CDC14A: variants seen among roughly 807,000 people sequenced by gnomAD.
CDC14A encodes cell division cycle 14A.
CDC14A carries 53 observed loss-of-function variants against 74.4 expected under a neutral mutation model. The observed-to-expected ratio is 0.71, with a 90% CI of 0.57 to 0.89. The LOEUF is 0.89. CDC14A is among the 40% of genes least tolerant of loss of function. The pLI, the probability that CDC14A is intolerant of heterozygous loss-of-function variation, is 0.00. For missense variants in CDC14A, 646 were observed against 713.7 expected (o/e 0.91, Z 1.08); for synonymous variants, 247 against 258.4 (o/e 0.96, Z 0.43).
At position 100,455,508 on chromosome 1, in the gene CDC14A, C is replaced by T. The variant is rs1381928920; in HGVS notation, c.607+16C>T. On this transcript the variant is annotated intron_variant, in intron 8 of 15. Transcript: ENST00000336454. ...ATTGAGAATGGTAGGTTTTTTTTTC[C>T]TTTACCATCCAAACATTTATTTTGA... is the stretch of plus-strand genomic sequence containing the variant. 8.8e-6 allele frequency: 12 copies of T among 1,359,762 alleles called. No individual in the cohort carries two copies. The highest frequency in any genetic ancestry group is 1.2e-5 in the Non-Finnish European group (12 of 972,546). 84.2% of individuals were successfully genotyped at this position (1,359,762 alleles called of 1,614,324 possible). A position where few individuals can be genotyped will look rare whatever the true frequency, so the allele number is the denominator to read the frequency against.
intron 2 of CDC14A, among the ~76,000 whole-genome samples, chr1:100,374,498 C>T (rs542391462): frequency 2.3e-3 from 354 of 152,316 alleles, no homozygotes; most frequent in African/African-American, 8.1e-3. Flanking sequence ...GATCGCCATT[C>T]TAACTGGTGT....
At chr1:100,360,352 T>TG (rs1420991417) in intron 2 of CDC14A, among the ~76,000 whole-genome samples, 4 of 151,364 alleles carry the variant, frequency 2.6e-5, no homozygotes, top group Non-Finnish European at 5.9e-5. Context: ...TTAGTTCTTT[T>TG]TTTTTTTTTG....
At chr1:100,479,882 A>G (rs1669276100) in intron 10 of CDC14A, among the ~76,000 whole-genome samples, 1 of 152,264 alleles carries the variant, frequency 6.6e-6, no homozygotes, top group African/African-American at 2.4e-5. Context: ...TTAAGTATGT[A>G]TCAGAATCTT....
intron 10 of CDC14A, among the ~76,000 whole-genome samples, chr1:100,473,879 C>T (rs72986225): frequency 0.057 from 8,653 of 152,106 alleles, 835 homozygotes; most frequent in African/African-American, 0.2. Flanking sequence ...AAACTTCCAG[C>T]GCTGTGATGA....
At chr1:100,464,166 C>G (rs1165551289) in intron 9 of CDC14A, among the ~76,000 whole-genome samples, 3 of 152,126 alleles carry the variant, frequency 2.0e-5, no homozygotes, top group Admixed American at 2.0e-4. Context: ...TCCCAGAGAC[C>G]CAGAGAGATG....
chr1:100,497,900 A>G (rs938592295), intron 13 of CDC14A, among the ~76,000 whole-genome samples, 185 bp from the exon 14 acceptor site: 9 of 147,412 alleles, frequency 6.1e-5, no homozygotes, highest in Non-Finnish European at 7.6e-5. Context: ...TGACATCTTT[A>G]AGGTTCTTAG....
At chr1:100,430,796 G>A (rs1663562608) in intron 5 of CDC14A, among the ~76,000 whole-genome samples, 1 of 152,164 alleles carries the variant, frequency 6.6e-6, no homozygotes, top group Admixed American at 6.5e-5. Context: ...TCCTTACCGT[G>A]CTTTCCTCTT....
intron 11 of CDC14A, chr1:100,485,786 C>G (rs1227599921): frequency 1.3e-5 from 2 of 152,132 alleles, no homozygotes; most frequent in Non-Finnish European, 2.9e-5. Flanking sequence ...AGAAAGATAG[C>G]CAGAGTGCTT....
At chr1:100,355,954 G>A (rs151005786) in intron 2 of CDC14A, among the ~76,000 whole-genome samples, 2 of 152,292 alleles carry the variant, frequency 1.3e-5, no homozygotes, top group African/African-American at 2.4e-5. Context: ...CAAAGGCTTC[G>A]TGGAAGAGTT....
intron 2 of CDC14A, chr1:100,363,090 G>T (rs1652994509): frequency 6.6e-6 from 1 of 152,246 alleles, no homozygotes. Context: ...GGTGGGGAAG[G>T]CTGATCACCC....
At chr1:100,494,301 T>C (rs1255479057) in intron 11 of CDC14A, among the ~76,000 whole-genome samples, 1 of 152,250 alleles carries the variant, frequency 6.6e-6, no homozygotes, top group Non-Finnish European at 1.5e-5. Flanking sequence ...CTAGTGAACA[T>C]GGTCCTTTAA....
chr1:100,514,051 C>T (rs1195002607), intron 15 of CDC14A, among the ~76,000 whole-genome samples: 1 of 152,106 alleles, frequency 6.6e-6, no homozygotes. Context: ...CTCACTATAA[C>T]TCTGTTGAGC....
chr1:100,383,550 T>G (rs2100966746), intron 3 of CDC14A: 1 of 152,760 alleles, frequency 6.5e-6, no homozygotes, highest in South Asian at 2.1e-4. Context: ...CAGGAAGACC[T>G]GCTCATTTTA....
chr1:100,365,491 C>G (rs570949605), intron 2 of CDC14A, among the ~76,000 whole-genome samples: 1 of 152,314 alleles, frequency 6.6e-6, no homozygotes, highest in Admixed American at 6.5e-5. Context: ...CTTTAGGAGC[C>G]ATCTAATTCA....
chr1:100,418,792 A>AT (rs1020999157), intron 4 of CDC14A, among the ~76,000 whole-genome samples: 1 of 152,258 alleles, frequency 6.6e-6, no homozygotes, highest in East Asian at 1.9e-4. Context: ...TGAAGGGAAA[A>AT]TTTTTTGTAA....
intron 10 of CDC14A, chr1:100,481,187 A>C (rs1669433192): frequency 1.3e-5 from 2 of 152,318 alleles, no homozygotes; most frequent in African/African-American, 4.8e-5. Context: ...ATTGGTACTC[A>C]AGTCATGGCT....
chr1:100,349,829 AT>A (rs1407735608), upstream of CDC14A, among the ~76,000 whole-genome samples: 1 of 150,928 alleles, frequency 6.6e-6, no homozygotes, highest in Non-Finnish European at 1.5e-5. Flanking sequence ...CATCTGGCTA[AT>A]TTTTTTTTGA....
At chr1:100,351,109 G>A (rs1436237602), upstream of CDC14A, among the ~76,000 whole-genome samples, 1 of 152,044 alleles carries the variant, frequency 6.6e-6, no homozygotes, top group Non-Finnish European at 1.5e-5. Context: ...CACGAGAATC[G>A]CTTGTACTCG....
intron 7 of CDC14A, among the ~76,000 whole-genome samples, chr1:100,446,676 C>A (rs1665573155): frequency 6.6e-6 from 1 of 151,736 alleles, no homozygotes; most frequent in Admixed American, 6.6e-5. Context: ...CCTCAGAAAC[C>A]CAGTGTGTAG....
Sources: allele counts gnomAD v4.1 joint callset (sites outside exome capture counted in the v4.1 genomes callset), GRCh38; gene constraint gnomAD v4.1.1; transcripts MANE v1.5; gene names NCBI Gene and HGNC (gene_info 2026-07-23, HGNC 2026-07-21).